SLC4A8: variants seen among roughly 807,000 people sequenced by gnomAD.
SLC4A8 encodes the protein solute carrier family 4 member 8.
SLC4A8 carries 40 observed loss-of-function variants against 125.0 expected under a neutral mutation model. The ratio of observed to expected loss-of-function variants is 0.32; its 90% CI spans 0.25 to 0.42. The LOEUF is 0.42. Among genes scored for constraint, SLC4A8 ranks in the 10% least tolerant of loss-of-function variants. SLC4A8 has a pLI of 1.00. For missense variants in SLC4A8, 863 were observed against 1,355.1 expected (o/e 0.64, Z 5.70); for synonymous variants, 456 against 476.0 (o/e 0.96, Z 0.55).
chr12:51,432,410 C>A (rs376589203), intron 1 of SLC4A8, among the ~76,000 whole-genome samples: 177 of 91,978 alleles, frequency 1.9e-3, no homozygotes, highest in Middle Eastern at 7.8e-3. Context: ...GACTCCGCCT[C>A]AAAAAAAAAA....
Position 51,436,493 on chromosome 12 carries a change from A to G in SLC4A8, c.49-4215A>G, listed in dbSNP as rs145289597. ...ACATTATGTAAATTATTTACAAAATAAGGCATATTCAAAAAAGTCTAGTTT... is the reference window on the plus strand; with the variant it reads ...ACATTATGTAAATTATTTACAAAATGAGGCATATTCAAAAAAGTCTAGTTT... On this transcript the variant is annotated intron_variant, in intron 1 of 24. Transcript: ENST00000453097. Among the ~76,000 whole-genome samples the G allele has an allele frequency of 7.1e-3, 1,084 of 152,334 alleles. 5 individuals carry two copies. Among genetic ancestry groups the G allele is most frequent in the Non-Finnish European group, 0.011 (726 of 68,038 alleles).
chr12:51,395,680 G>A (rs1948245662), intron 1 of SLC4A8, among the ~76,000 whole-genome samples: 1 of 152,142 alleles, frequency 6.6e-6, no homozygotes, highest in Non-Finnish European at 1.5e-5. Context: ...ACTTGCCAAG[G>A]AGGTTAGTAG....
intron 1 of SLC4A8, among the ~76,000 whole-genome samples, chr12:51,394,292 G>A (rs1248829176): frequency 6.6e-6 from 1 of 152,256 alleles, no homozygotes; most frequent in Non-Finnish European, 1.5e-5. Context: ...TTCAGCTGAC[G>A]CTGATTTTAA....
chr12:51,498,365 C>T (rs1376413958), intron 22 of SLC4A8, among the ~76,000 whole-genome samples: 1 of 151,802 alleles, frequency 6.6e-6, no homozygotes, highest in Non-Finnish European at 1.5e-5. Context: ...GTACAAATGA[C>T]CAGTTGCCTT....
Position 51,452,143 on chromosome 12 carries a change from T to A in SLC4A8, c.297T>A (p.Val99=). The change falls in exon 4 of 25, where the codon GTT becomes GTA. Residue 99 remains valine (V), a synonymous_variant. Transcript: ENST00000453097. ...ALAHDTPSQR[V]QFILGTEEDE... ...TCCTAGACACACCATCTCAGCGTGT[T>A]CAGTTCATTCTTGGCACCGAGGAAG... 6.2e-7 allele frequency: 1 copy of A among 1,614,212 alleles called. No homozygotes were observed. The highest frequency in any genetic ancestry group is 8.5e-7 in the Non-Finnish European group (1 of 1,180,030).
chr12:51,392,298 G>T (rs2137890393), intron 1 of SLC4A8, among the ~76,000 whole-genome samples: 1 of 152,290 alleles, frequency 6.6e-6, no homozygotes, highest in Non-Finnish European at 1.5e-5. Flanking sequence ...TTTTGGCCGG[G>T]CGCGGTGGTT....
At chr12:51,466,553 C>G (rs993433809) in intron 11 of SLC4A8, 1 of 152,012 alleles carries the variant, frequency 6.6e-6, no homozygotes, top group Non-Finnish European at 1.5e-5. Context: ...AAACTCATAT[C>G]CCTGTGTGCC....
intron 1 of SLC4A8, 54 bp from the exon 2 acceptor site, chr12:51,440,654 T>TA: frequency 7.3e-7 from 1 of 1,375,724 alleles, no homozygotes; most frequent in Non-Finnish European, 1.0e-6. Context: ...ACAAGGTTTG[T>TA]ATATTTGAAC....
intron 2 of SLC4A8, among the ~76,000 whole-genome samples, chr12:51,449,896 G>A (rs1252697752): frequency 6.6e-6 from 1 of 152,146 alleles, no homozygotes; most frequent in African/African-American, 2.4e-5. Flanking sequence ...GGGTGTGGTG[G>A]TGCACACATG....
At chr12:51,469,542 C>A in intron 11 of SLC4A8, 72 bp from the exon 12 acceptor site, 1 of 1,381,538 alleles carries the variant, frequency 7.2e-7, no homozygotes, top group Non-Finnish European at 1.0e-6. Context: ...GAAATGCTTT[C>A]AAATGTGTGC....
At chr12:51,487,134 A>G (rs927182656) in intron 17 of SLC4A8, among the ~76,000 whole-genome samples, 2 of 152,212 alleles carry the variant, frequency 1.3e-5, no homozygotes, top group Non-Finnish European at 2.9e-5. Context: ...TCTGGGAGGT[A>G]GGACAGGGGA....
chr12:51,461,413 G>T (rs371852233), intron 9 of SLC4A8, 122 bp downstream of exon 9: 56 of 639,008 alleles, frequency 8.8e-5, no homozygotes, highest in Non-Finnish European at 1.4e-4. Context: ...CTGCTGGGAA[G>T]TAGTTCAGGG....
At position 51,458,649 on chromosome 12, in the gene SLC4A8, A is replaced by G; in HGVS notation, c.854A>G (p.Lys285Arg). 6.2e-7 allele frequency: 1 copy of G among 1,609,966 alleles called. No individual in the cohort carries two copies. Among genetic ancestry groups the G allele is most frequent in the South Asian group, 1.1e-5 (1 of 90,972 alleles). ...GAACATAGTCCTGTGGATTTAAGCA[A>G]GGTGAGCAGAGTGGTGGGAAGTTGG... ...NCEHSPVDLSKVDLHFMKKIP... is the reference protein window; with the variant it reads ...NCEHSPVDLSRVDLHFMKKIP... Residue 285 changes from lysine (K) to arginine (R), a missense_variant and splice_region_variant, in exon 7 of 25, where the codon AAG becomes AGG. Physicochemically the swap from Lys to Arg is conservative, Grantham distance 26. Transcript: ENST00000453097.
chr12:51,432,713 C>A (rs964840944), intron 1 of SLC4A8, among the ~76,000 whole-genome samples: 11 of 152,070 alleles, frequency 7.2e-5, no homozygotes, highest in Admixed American at 6.5e-4. Flanking sequence ...CAGAGCGAGA[C>A]TCTGTCTCAA....
intron 5 of SLC4A8, among the ~76,000 whole-genome samples, chr12:51,455,890 C>T (rs1950133665): frequency 6.6e-6 from 1 of 152,112 alleles, no homozygotes. Context: ...GTCTGAAATC[C>T]CATGAATGTT....
intron 22 of SLC4A8, chr12:51,502,106 C>T (rs1285278425): frequency 6.6e-6 from 1 of 152,192 alleles, no homozygotes; most frequent in Non-Finnish European, 1.5e-5. Context: ...AACATGAAAG[C>T]ACTCTCTAGA....
intron 18 of SLC4A8, 97 bp downstream of exon 18, chr12:51,488,957 C>A: frequency 2.2e-6 from 2 of 889,732 alleles, no homozygotes; most frequent in Non-Finnish European, 1.7e-6. Context: ...ATTGTAGAAT[C>A]TCATAGAAGA....
rs1938402312 is a variant in SLC4A8, at chr12:51,512,575, A to G, written c.*5137A>G. ...AGGTCTGTGGCTGGTCACTGTGGTG[A>G]AAGAGTCAAGGTGGGCAGTGTTTGG... On this transcript the variant is annotated 3_prime_UTR_variant, in exon 25 of 25. Coordinates refer to ENST00000453097, the MANE Select transcript of SLC4A8 (RefSeq NM_001039960.3). The G allele has an allele frequency of 6.6e-6, 1 of 152,272 alleles. No homozygotes were observed. The highest frequency in any genetic ancestry group is 2.1e-4 in the South Asian group (1 of 4,812). 9.4% of individuals were successfully genotyped at this position (152,272 alleles called of 1,614,324 possible).
chr12:51,476,906 C>CTTTTTTTTTTTTTTTTTTTTT (rs67928969), intron 16 of SLC4A8, among the ~76,000 whole-genome samples: 5 of 118,540 alleles, frequency 4.2e-5, no homozygotes, highest in Non-Finnish European at 8.8e-5. Context: ...TTTTTCTTTT[C>CTTTTTTTTTTTTTTTTTTTTT]TTTTTTTTTT....
Sources: gnomAD v4.1 joint callset for allele counts (sites outside exome capture counted in the v4.1 genomes callset) on GRCh38, gnomAD v4.1.1 for gene constraint, MANE v1.5 for transcripts, NCBI Gene and HGNC (gene_info 2026-07-23, HGNC 2026-07-21) for gene names.